The following STK11IP variants were observed in gnomAD, a reference collection of about 807,000 sequenced individuals.
STK11IP encodes the protein serine/threonine kinase 11 interacting protein, also known as serine/threonine-protein kinase 11-interacting protein.
A neutral mutation model predicts 131.7 loss-of-function variants in STK11IP; 103 were observed. That is an observed-to-expected ratio of 0.78 (90% CI 0.67 to 0.92). The LOEUF (loss-of-function observed/expected upper bound fraction) is 0.92. STK11IP is among the 40% of genes least tolerant of loss of function. The pLI is 0.00. For missense variants in STK11IP, 1,315 were observed against 1,385.7 expected (o/e 0.95, Z 0.81); for synonymous variants, 557 against 575.6 (o/e 0.97, Z 0.46).
At chr2:219,610,097 T>C (rs1017332524) in intron 17 of STK11IP, 2 of 156,236 alleles carry the variant, frequency 1.3e-5, no homozygotes, top group Non-Finnish European at 2.8e-5. Flanking sequence ...GAAGAAGACA[T>C]TGAAGAAGAA....
intron 19 of STK11IP, among the ~76,000 whole-genome samples, chr2:219,612,650 CGA>C (rs1553546289): frequency 6.6e-6 from 1 of 152,058 alleles, no homozygotes; most frequent in Non-Finnish European, 1.5e-5. Flanking sequence ...CATGGAGGCC[CGA>C]GAGTGTCGCT....
chr2:219,602,154 C>T (rs2106147649), intron 5 of STK11IP, 71 bp downstream of exon 5: 2 of 1,151,818 alleles, frequency 1.7e-6, no homozygotes, highest in South Asian at 2.6e-5. Flanking sequence ...CTGATGTTCT[C>T]CCCTCTCTGC....
chr2:219,608,970 C>A, intron 15 of STK11IP, 127 bp from the exon 16 acceptor site: 2 of 1,036,764 alleles, frequency 1.9e-6, no homozygotes, highest in Non-Finnish European at 2.8e-6. Context: ...TGTGCTGGAG[C>A]TTGGACGTCA....
At position 219,616,345 on chromosome 2, in the gene STK11IP, G is replaced by T. The variant is rs1574636050; in HGVS notation, c.*152G>T. 8 of 1,012,390 alleles carry T rather than the reference G, an allele frequency of 7.9e-6. No individual in the cohort carries two copies. In the East Asian group the frequency reaches 2.1e-4, roughly 27 times the overall value. The allele number at this position is 1,012,390 out of a possible 1,614,324, so 62.7% of individuals were successfully genotyped here. Reference sequence around the variant, plus strand: ...GGTCCCAAATGACCCAGGGCTTAAGGGAGAGGCGAGAGAATGATCTGGCCT... The same window carrying T: ...GGTCCCAAATGACCCAGGGCTTAAGTGAGAGGCGAGAGAATGATCTGGCCT... On this transcript the variant is annotated 3_prime_UTR_variant, in exon 25 of 25. Transcript: ENST00000456909.
At chr2:219,612,097 C>T (rs1207879762) in intron 19 of STK11IP, 39 bp downstream of exon 19, 2 of 1,548,980 alleles carry the variant, frequency 1.3e-6, no homozygotes, top group Admixed American at 1.9e-5. Context: ...CCCAGCTGTC[C>T]AGGGTGCCCA....
At position 219,608,427 on chromosome 2, in the gene STK11IP, GA is replaced by G; in HGVS notation, c.1602del (p.Ala535ArgfsTer56). On this transcript the variant is annotated frameshift_variant and splice_region_variant, in exon 14 of 25. Coordinates refer to ENST00000456909, the MANE Select transcript of STK11IP (RefSeq NM_052902.4). LOFTEE classifies it high-confidence loss of function. ...EEEEQDQKEV[E>X]AELCRPLLVC... Reference sequence around the variant, plus strand: ...AGAGGAGCAGGACCAGAAGGAAGTGGAAGGTGAGCCCTTTGTGGGCTGGGGC... The same window carrying G: ...AGAGGAGCAGGACCAGAAGGAAGTGGAGGTGAGCCCTTTGTGGGCTGGGGC... 1 of 1,559,666 alleles carries G rather than the reference GA, an allele frequency of 6.4e-7. No individual in the cohort carries two copies. The highest frequency in any genetic ancestry group is 1.9e-5 in the Admixed American group (1 of 51,966).
intron 2 of STK11IP, among the ~76,000 whole-genome samples, chr2:219,600,277 T>C (rs1697945047): frequency 6.6e-6 from 1 of 151,860 alleles, no homozygotes; most frequent in Non-Finnish European, 1.5e-5. Context: ...GTAGAATAAT[T>C]TTTTGTGTTT....
In STK11IP at chr2:219,606,868, G is replaced by A. The variant is rs768677249; in HGVS notation, c.1134+10G>A. Reference sequence around the variant, plus strand: ...GCTTCATAAGGTTAAGGTAAGCAGCGTCCTCCGCTGCCTTGTGCCTGCGGT... The same window carrying A: ...GCTTCATAAGGTTAAGGTAAGCAGCATCCTCCGCTGCCTTGTGCCTGCGGT... On this transcript the variant is annotated intron_variant, in intron 12 of 24. Coordinates refer to ENST00000456909, the MANE Select transcript of STK11IP (RefSeq NM_052902.4). 29 of 1,604,366 alleles carry A rather than the reference G, an allele frequency of 1.8e-5. No individual in the cohort carries two copies. The highest frequency in any genetic ancestry group is 2.2e-5 in the South Asian group (2 of 90,056).
Position 219,608,697 on chromosome 2 carries a change from C to T in STK11IP, c.1718C>T (p.Ala573Val), listed in dbSNP as rs1331994080. Reference protein sequence around the residue: ...SAHLFEVELQAARTLERLELQ... With the variant: ...SAHLFEVELQVARTLERLELQ... ...CACCTGTTTGAGGTGGAACTCCAAG[C>T]AGCTCGCACCTTGGAGCGACTGGAG... The change falls in exon 15 of 25, where the codon GCA becomes GTA. Residue 573 changes from alanine to valine, a missense_variant. Transcript: ENST00000456909. The T allele has an allele frequency of 6.2e-7, 1 of 1,613,612 alleles. No homozygotes were observed. Among genetic ancestry groups the T allele is most frequent in the Admixed American group, 1.7e-5 (1 of 60,004 alleles).
rs753653927 is a variant in STK11IP at position 219,606,510 on chromosome 2, A to G, written c.980A>G (p.Asp327Gly). ...GATGGCAAGGTCTTGTCACTGACAG[A>G]TTTTCAGGTCGGTGTGGTTGGGGGG... The part of the protein sequence containing the change: ...LLDGKVLSLT[D>G]FQTHTSLGLS... The change falls in exon 11 of 25, where the codon GAT becomes GGT. Residue 327 changes from aspartate (D) to glycine (G), a missense_variant. Asp to Gly is a moderately conservative substitution (Grantham distance 94, BLOSUM62 -1). Coordinates refer to ENST00000456909, the MANE Select transcript of STK11IP (RefSeq NM_052902.4). The G allele has an allele frequency of 1.4e-5, 23 of 1,612,442 alleles. No individual in the cohort carries two copies. In the Admixed American group the frequency reaches 1.8e-4, roughly 13 times the overall value.
At chr2:219,614,584 G>A in intron 23 of STK11IP, 38 bp downstream of exon 23, 1 of 1,608,030 alleles carries the variant, frequency 6.2e-7, no homozygotes, top group Non-Finnish European at 8.5e-7. Flanking sequence ...CCTGGTCTCT[G>A]TACCCTACCT....
At position 219,601,666 on chromosome 2, in the gene STK11IP, C is replaced by T. The variant is rs367648188; in HGVS notation, c.293C>T (p.Pro98Leu). The change falls in exon 4 of 25, where the codon CCC (proline) becomes CTC (leucine). Residue 98 changes from proline to leucine, a missense_variant. Pro to Leu is a moderately conservative substitution (Grantham distance 98). Coordinates refer to ENST00000456909, the MANE Select transcript of STK11IP (RefSeq NM_052902.4). ...CTGGTCCATGTTGCTGGTCCTGGCC[C>T]CACAGGGCCCATCAAGATTTTCCCC... ...LKLVHVAGPG[P>L]TGPIKIFPFK... 6.2e-7 allele frequency: 1 copy of T among 1,602,056 alleles called. No individual in the cohort carries two copies. Among genetic ancestry groups the T allele is most frequent in the Non-Finnish European group, 8.5e-7 (1 of 1,174,066 alleles).
At position 219,598,004 on chromosome 2, in the gene STK11IP, T is replaced by C. The variant is rs183377424; in HGVS notation, c.-27+81T>C. 7 of 1,586,472 alleles carry C rather than the reference T, an allele frequency of 4.4e-6. No individual in the cohort carries two copies. In the South Asian group the frequency reaches 8.0e-5, roughly 18 times the overall value. On this transcript the variant is annotated intron_variant, in intron 1 of 24. Transcript: ENST00000456909. ...CTCTCTTTTCTTTCTCGCCTTTTTC[T>C]CCGCATGACGCCTCGGTTTGCGCGG...
chr2:219,614,332 G>A (rs1304945006), intron 22 of STK11IP, 90 bp downstream of exon 22: 7 of 1,555,268 alleles, frequency 4.5e-6, no homozygotes, highest in Non-Finnish European at 6.2e-6. Context: ...TAGGTCCTGG[G>A]CAGCCACCTG....
intron 19 of STK11IP, 192 bp from the exon 20 acceptor site, chr2:219,612,936 C>T (rs897111419): frequency 6.4e-5 from 36 of 565,464 alleles, no homozygotes; most frequent in Admixed American, 4.4e-4. Context: ...AGGCTCTGAG[C>T]GGGCAGGGGC....
Position 219,616,167 on chromosome 2 carries a change from C to T in STK11IP, c.3241C>T (p.Gln1081Ter). Residue 1081 changes from glutamine (Q) to a stop codon, truncating the protein, a stop_gained, in exon 25 of 25, where the codon CAA becomes TAA. Coordinates refer to ENST00000456909, the MANE Select transcript of STK11IP (RefSeq NM_052902.4). LOFTEE classifies it high-confidence loss of function. Reference sequence around the variant, plus strand: ...TTCCATCGGACTCCGGACAGTGATCCAAGAGGCGCTGGCCCTTGACCGATG... The same window carrying T: ...TTCCATCGGACTCCGGACAGTGATCTAAGAGGCGCTGGCCCTTGACCGATG... ...LFSIGLRTVI[Q>*]EALALDR 3.1e-6 allele frequency: 5 copies of T among 1,613,630 alleles called. No individual in the cohort carries two copies. The highest frequency in any genetic ancestry group is 3.4e-6 in the Non-Finnish European group (4 of 1,179,844).
chr2:219,609,728 G>C, intron 17 of STK11IP, 188 bp downstream of exon 17: 5 of 578,970 alleles, frequency 8.6e-6, no homozygotes, highest in Non-Finnish European at 1.4e-5. Flanking sequence ...CAGAAAAAAA[G>C]AAGAAACTAT....
chr2:219,609,771 G>A, intron 17 of STK11IP: 2 of 498,272 alleles, frequency 4.0e-6, no homozygotes, highest in Non-Finnish European at 7.2e-6. Context: ...AACTCTAAAA[G>A]TCAGGAAATG....
At chr2:219,602,890 C>A in intron 7 of STK11IP, 114 bp downstream of exon 7, 2 of 1,039,092 alleles carry the variant, frequency 1.9e-6, no homozygotes, top group Middle Eastern at 2.4e-4. Context: ...GAGGGTGGAG[C>A]TGCATTCTGG....
Sources: gnomAD v4.1 joint callset for allele counts (sites outside exome capture counted in the v4.1 genomes callset) on GRCh38, gnomAD v4.1.1 for gene constraint, MANE v1.5 for transcripts, NCBI Gene and HGNC (gene_info 2026-07-23, HGNC 2026-07-21) for gene names.